TSPEAR: variants seen among roughly 807,000 people sequenced by gnomAD.
TSPEAR encodes the protein thrombospondin type laminin G domain and EAR repeats, also known as thrombospondin-type laminin G domain and EAR repeat-containing protein.
Under a neutral mutation model 71.6 loss-of-function variants are expected in TSPEAR, and 69 were observed. That is an observed-to-expected ratio of 0.96 (90% confidence interval 0.79 to 1.18). The LOEUF (loss-of-function observed/expected upper bound fraction) is 1.18, where lower values mean the gene tolerates loss of function less well. TSPEAR is among the 50% of genes most tolerant of loss of function. The probability of loss-of-function intolerance (pLI) is 0.00; values close to 1 mark genes in which losing one functional copy is unlikely to be tolerated. For missense variants in TSPEAR, 971 were observed against 894.9 expected, an observed-to-expected ratio of 1.09 and a Z score of -1.09; for synonymous variants, 402 against 387.2, an observed-to-expected ratio of 1.04 and a Z score of -0.45.
chr21:44,498,450 G>T lies in TSPEAR; in HGVS notation c.*1333C>A, dbSNP rs1256118491. The stretch of plus-strand genomic sequence containing the variant: ...TCTCGGCGACTGCCCCCAGAGGGGA[G>T]TGGCTCTCCACTGGCCACAGCGATG... On this transcript the variant is annotated 3_prime_UTR_variant, in exon 12 of 12. Coordinates refer to ENST00000323084, the MANE Select transcript of TSPEAR (RefSeq NM_144991.3). 5 of 152,244 alleles carry T rather than the reference G, an allele frequency of 3.3e-5. No individual in the cohort carries two copies. Among genetic ancestry groups the T allele is most frequent in the African/African-American group, 1.2e-4 (5 of 41,446 alleles). 9.4% of individuals were successfully genotyped at this position (152,244 alleles called of 1,614,324 possible). A position where few individuals can be genotyped will look rare whatever the true frequency, so the allele number is the denominator to read the frequency against.
intron 1 of TSPEAR, chr21:44,637,976 T>C (rs781901765): frequency 2.5e-6 from 4 of 1,613,540 alleles, no homozygotes; most frequent in Admixed American, 1.7e-5. Context: ...CTGCAGACCC[T>C]CCTCCTCCGT....
intron 1 of TSPEAR, among the ~76,000 whole-genome samples, chr21:44,609,190 G>A (rs587710533): frequency 6.6e-6 from 1 of 152,162 alleles, no homozygotes; most frequent in Non-Finnish European, 1.5e-5. Flanking sequence ...AGGGAGGAGG[G>A]ACTAACAAAG....
chr21:44,632,816 C>G (rs1983332167), intron 1 of TSPEAR, among the ~76,000 whole-genome samples: 1 of 152,138 alleles, frequency 6.6e-6, no homozygotes, highest in African/African-American at 2.4e-5. Flanking sequence ...TGCTCTCCAG[C>G]CTGGGTGGCA....
chr21:44,515,409 T>TA (rs1368412548), intron 9 of TSPEAR: 6 of 152,392 alleles, frequency 3.9e-5, no homozygotes, highest in African/African-American at 1.2e-4. Context: ...CCCGGAGTTC[T>TA]GGTTCTGCTT....
chr21:44,615,292 GA>G (rs1982004564), intron 1 of TSPEAR, among the ~76,000 whole-genome samples: 1 of 152,256 alleles, frequency 6.6e-6, no homozygotes, highest in Non-Finnish European at 1.5e-5. Flanking sequence ...GCGCTCACCC[GA>G]CCCGCACACA....
intron 1 of TSPEAR, among the ~76,000 whole-genome samples, chr21:44,577,624 A>G (rs2146094322): frequency 6.6e-6 from 1 of 152,350 alleles, no homozygotes; most frequent in East Asian, 1.9e-4. Flanking sequence ...CCATGACCCA[A>G]TCACCTCCCA....
rs371254927 is a variant in TSPEAR, at chr21:44,527,562, G to A, written c.923-44C>T. ...TGACTCGGTTAAGATTTCCGAGAAC[G>A]GAAATCCAGAGCAATCCTCGCGGGA... is the stretch of plus-strand genomic sequence containing the variant. On this transcript the variant is annotated intron_variant, in intron 6 of 11. Coordinates refer to ENST00000323084, the MANE Select transcript of TSPEAR (RefSeq NM_144991.3). The A allele has an allele frequency of 2.3e-5, 36 of 1,595,892 alleles. 1 individual carries two copies. In the East Asian group the frequency reaches 5.4e-4, roughly 24 times the overall value.
At chr21:44,672,622 CT>C (rs1555946224) in intron 1 of TSPEAR, among the ~76,000 whole-genome samples, 3 of 152,114 alleles carry the variant, frequency 2.0e-5, no homozygotes, top group African/African-American at 7.2e-5. Flanking sequence ...GAAAATTTCC[CT>C]AGTCTAGCAA....
chr21:44,580,220 C>T, intron 1 of TSPEAR: 1 of 1,614,036 alleles, frequency 6.2e-7, no homozygotes, highest in Non-Finnish European at 8.5e-7. Context: ...AGAGGCACAG[C>T]AAGTTGGCTG....
rs782331350 is a variant in TSPEAR, at chr21:44,612,842, T to C, written c.83-44837A>G. 1.6e-5 allele frequency: 26 copies of C among 1,612,390 alleles called. No homozygotes were observed. The Admixed American group carries it at 2.2e-4, about 13-fold the overall frequency. ...CTGCCACCCGGCCTCCTGCCTGTCCTTCCTCTGCCGCCCCGCGTGCTCCCG... is the reference window on the plus strand; with the variant it reads ...CTGCCACCCGGCCTCCTGCCTGTCCCTCCTCTGCCGCCCCGCGTGCTCCCG... On this transcript the variant is annotated intron_variant, in intron 1 of 11. Transcript: ENST00000323084. This position sits in a 1 kb window ranked among gnomAD's most constrained non-coding sequence, Gnocchi z 4.1.
chr21:44,543,290 A>G (rs1414411182), intron 2 of TSPEAR, among the ~76,000 whole-genome samples: 1 of 152,262 alleles, frequency 6.6e-6, no homozygotes, highest in African/African-American at 2.4e-5. Flanking sequence ...AATAAAATAC[A>G]TGGCAAGAAC....
intron 1 of TSPEAR, among the ~76,000 whole-genome samples, chr21:44,706,189 C>T (rs893982746): frequency 3.9e-5 from 6 of 152,222 alleles, no homozygotes; most frequent in Non-Finnish European, 7.3e-5. Context: ...GAACTGGCAG[C>T]GCCTCCCCTG....
chr21:44,549,514 CA>C (rs1292850155), intron 2 of TSPEAR, among the ~76,000 whole-genome samples: 3 of 151,980 alleles, frequency 2.0e-5, no homozygotes, highest in Non-Finnish European at 2.9e-5. Flanking sequence ...TCAACCCGGA[CA>C]AAAAAAAGAA....
At chr21:44,508,610 TGTG>T (rs782465642) in intron 10 of TSPEAR, 69 of 1,181,810 alleles carry the variant, frequency 5.8e-5, no homozygotes, top group Middle Eastern at 3.9e-4. Context: ...CTGTCCAAAA[TGTG>T]GTGCCCACGC....
chr21:44,504,238 CGGGGGGT>C (rs2052133061), intron 11 of TSPEAR, among the ~76,000 whole-genome samples: 2 of 98,854 alleles, frequency 2.0e-5, no homozygotes, highest in East Asian at 3.3e-4. Context: ...GGTGAGCCCT[CGGGGGGT>C]AGCTGGCCTC....
At chr21:44,666,122 C>T (rs1310388269) in intron 1 of TSPEAR, 4 of 301,310 alleles carry the variant, frequency 1.3e-5, no homozygotes, top group Non-Finnish European at 1.8e-5. Context: ...GCAGCAAATT[C>T]TATGTAATCA....
chr21:44,627,766 G>A, intron 1 of TSPEAR: 12 of 1,599,798 alleles, frequency 7.5e-6, no homozygotes, highest in Non-Finnish European at 1.0e-5. Flanking sequence ...CATCTGCTGT[G>A]TGCCTGTCTG....
chr21:44,612,783 G>A lies in TSPEAR; in HGVS notation c.83-44778C>T. 1 of 1,613,152 alleles carries A rather than the reference G, an allele frequency of 6.2e-7. No homozygotes were observed. The highest frequency in any genetic ancestry group is 8.5e-7 in the Non-Finnish European group (1 of 1,179,832). Reference sequence around the variant, plus strand: ...GCCTGCTGTGTGCCTGTCCCCTCCTGTTGTGTCCCTGCCTCCTCCTGCCAG... The same window carrying A: ...GCCTGCTGTGTGCCTGTCCCCTCCTATTGTGTCCCTGCCTCCTCCTGCCAG... On this transcript the variant is annotated intron_variant, in intron 1 of 11. Transcript: ENST00000323084. This position sits in a 1 kb window ranked among gnomAD's most constrained non-coding sequence, Gnocchi z 4.1.
chr21:44,599,134 T>TCTCTCTCTCTCTC (rs1980573681), intron 1 of TSPEAR, among the ~76,000 whole-genome samples: 19 of 92,336 alleles, frequency 2.1e-4, no homozygotes, highest in African/African-American at 4.3e-4. Flanking sequence ...GGCCCCCATT[T>TCTCTCTCTCTCTC]TCTCTCTCTC....
Sources: allele counts gnomAD v4.1 joint callset (sites outside exome capture counted in the v4.1 genomes callset), GRCh38; gene constraint gnomAD v4.1.1; non-coding constraint Gnocchi (gnomAD v3.1); transcripts MANE v1.5; gene names NCBI Gene and HGNC (gene_info 2026-07-23, HGNC 2026-07-21).